The following CCDC158 variants were observed in gnomAD, a reference collection of about 807,000 sequenced individuals.
CCDC158 encodes the protein coiled-coil domain-containing protein 158.
A neutral mutation model predicts 138.6 loss-of-function variants in CCDC158; 116 were observed. The observed-to-expected ratio is 0.84, with a 90% CI of 0.72 to 0.98. CCDC158 has a LOEUF of 0.98. CCDC158 is among the 50% of genes least tolerant of loss of function. CCDC158 has a pLI of 0.00. For synonymous variants in CCDC158, 436 were observed against 442.4 expected, an observed-to-expected ratio of 0.99 and a Z score of 0.18; for missense variants, 1,265 against 1,306.1, an observed-to-expected ratio of 0.97 and a Z score of 0.48.
intron 4 of CCDC158, among the ~76,000 whole-genome samples, chr4:76,392,085 C>A (rs28877360): frequency 0.029 from 4,472 of 151,900 alleles, 216 homozygotes; most frequent in African/African-American, 0.1. Flanking sequence ...GTTCCAAAAA[C>A]ATAGAGGAAG....
chr4:76,400,595 C>T (rs994406848), intron 3 of CCDC158, among the ~76,000 whole-genome samples: 4 of 149,208 alleles, frequency 2.7e-5, no homozygotes, highest in Non-Finnish European at 4.4e-5. Flanking sequence ...GCACTACCCA[C>T]CCACCACCCC....
chr4:76,331,339 C>A lies in CCDC158; in HGVS notation c.2942+5G>T. 6.2e-7 allele frequency: 1 copy of A among 1,613,048 alleles called. No individual in the cohort carries two copies. The highest frequency in any genetic ancestry group is 8.5e-7 in the Non-Finnish European group (1 of 1,179,094). ...ATTTTGAAAATGGGGGCTGGTATTT[C>A]CTACCTACTAAGAGTTTCACTTGAT... On this transcript the variant is annotated splice_donor_5th_base_variant and intron_variant, in intron 21 of 24. Coordinates refer to ENST00000682701, the MANE Select transcript of CCDC158 (RefSeq NM_001394954.1).
At chr4:76,406,591 T>C (rs1322119239) in intron 2 of CCDC158, among the ~76,000 whole-genome samples, 1 of 152,116 alleles carries the variant, frequency 6.6e-6, no homozygotes, top group African/African-American at 2.4e-5. Flanking sequence ...GTAGGTTCCA[T>C]AAAGTAGGTT....
At chr4:76,337,730 CT>C (rs1721653292) in intron 18 of CCDC158, among the ~76,000 whole-genome samples, 1 of 150,342 alleles carries the variant, frequency 6.7e-6, no homozygotes, top group Non-Finnish European at 1.5e-5. Context: ...AAAACTCCAT[CT>C]CAAGAAAAAA....
In CCDC158 at chr4:76,357,521, ACTC is replaced by A; in HGVS notation, c.2023_2025del (p.Glu675del). On this transcript the variant is annotated inframe_deletion and splice_region_variant, in exon 14 of 25. Transcript: ENST00000682701. Reference sequence around the variant, plus strand: ...CGGAAATTCCTTTTTAAGACTTCATACTCCTCTATACAATGTGATAATCAATAA... The same window carrying A: ...CGGAAATTCCTTTTTAAGACTTCATACTCTATACAATGTGATAATCAATAA... 2 of 1,538,366 alleles carry A rather than the reference ACTC, an allele frequency of 1.3e-6. No homozygotes were observed. The highest frequency in any genetic ancestry group is 1.8e-6 in the Non-Finnish European group (2 of 1,139,410).
intron 9 of CCDC158, among the ~76,000 whole-genome samples, chr4:76,374,020 G>A (rs1725490603): frequency 6.6e-6 from 1 of 151,948 alleles, no homozygotes; most frequent in Admixed American, 6.6e-5. Context: ...GCCTGGCATG[G>A]TGGTGCATGC....
chr4:76,351,169 A>G, intron 17 of CCDC158, 48 bp from the exon 18 acceptor site: 1 of 1,530,098 alleles, frequency 6.5e-7, no homozygotes, highest in Non-Finnish European at 8.8e-7. Context: ...GCCTACAATT[A>G]TAAAGAAATG....
intron 1 of CCDC158, among the ~76,000 whole-genome samples, chr4:76,416,948 C>T (rs576248063): frequency 6.6e-6 from 1 of 152,298 alleles, no homozygotes; most frequent in South Asian, 2.1e-4. Context: ...GGGCCACCAT[C>T]CTCCAGACCC....
At chr4:76,403,937 T>A (rs2109870458) in intron 2 of CCDC158, among the ~76,000 whole-genome samples, 1 of 151,892 alleles carries the variant, frequency 6.6e-6, no homozygotes, top group Non-Finnish European at 1.5e-5. Context: ...ACAGAAAAAG[T>A]ACAGATAAAT....
chr4:76,344,327 A>G (rs1560808354), intron 18 of CCDC158, among the ~76,000 whole-genome samples: 1 of 152,238 alleles, frequency 6.6e-6, no homozygotes, highest in African/African-American at 2.4e-5. Context: ...AAGGAAAACT[A>G]CAAACCACTG....
intron 4 of CCDC158, among the ~76,000 whole-genome samples, chr4:76,391,946 A>G (rs1727352816): frequency 6.6e-6 from 1 of 152,004 alleles, no homozygotes; most frequent in Non-Finnish European, 1.5e-5. Flanking sequence ...AGACACATTC[A>G]ACTTACCAGG....
chr4:76,315,685 A>T (rs2110056414), intron 24 of CCDC158, among the ~76,000 whole-genome samples: 1 of 152,300 alleles, frequency 6.6e-6, no homozygotes, highest in Non-Finnish European at 1.5e-5. Context: ...CACTAAACAT[A>T]TCTATGACCA....
intron 1 of CCDC158, among the ~76,000 whole-genome samples, chr4:76,417,981 T>C (rs190237406): frequency 1.3e-5 from 2 of 152,324 alleles, no homozygotes; most frequent in African/African-American, 4.8e-5. Flanking sequence ...ACACTGTGCT[T>C]ATCACTTCCT....
At chr4:76,339,673 T>C (rs1721871210) in intron 18 of CCDC158, among the ~76,000 whole-genome samples, 1 of 152,238 alleles carries the variant, frequency 6.6e-6, no homozygotes, top group South Asian at 2.1e-4. Context: ...GGTATATGCA[T>C]GGACAGAGCA....
intron 3 of CCDC158, among the ~76,000 whole-genome samples, chr4:76,401,019 T>TA (rs993901335): frequency 9.2e-5 from 14 of 151,976 alleles, no homozygotes; most frequent in African/African-American, 2.4e-4. Context: ...TGGGGAGCTT[T>TA]AAAAAAAACC....
chr4:76,323,670 T>C (rs1246487540), intron 23 of CCDC158, among the ~76,000 whole-genome samples: 1 of 152,198 alleles, frequency 6.6e-6, no homozygotes, highest in Admixed American at 6.5e-5. Flanking sequence ...TTTAACTACA[T>C]AATATTAAAT....
intron 3 of CCDC158, among the ~76,000 whole-genome samples, chr4:76,397,251 T>C (rs1727905191): frequency 6.6e-6 from 1 of 151,854 alleles, no homozygotes; most frequent in African/African-American, 2.4e-5. Context: ...CAGAAACTCA[T>C]AAATGCAGTT....
At chr4:76,390,947 C>A (rs28800860) in intron 4 of CCDC158, among the ~76,000 whole-genome samples, 4,484 of 151,696 alleles carry the variant, frequency 0.03, 219 homozygotes, top group African/African-American at 0.1. Flanking sequence ...TTTAAAATAC[C>A]TATGGAGCCA....
chr4:76,316,018 T>A (rs1042961060), intron 24 of CCDC158, among the ~76,000 whole-genome samples: 8 of 152,090 alleles, frequency 5.3e-5, no homozygotes, highest in African/African-American at 1.9e-4. Context: ...TCAGAAGGAA[T>A]CAGAAAAGCG....
Sources: allele counts gnomAD v4.1 joint callset (sites outside exome capture counted in the v4.1 genomes callset), GRCh38; gene constraint gnomAD v4.1.1; transcripts MANE v1.5; gene names NCBI Gene and HGNC (gene_info 2026-07-23, HGNC 2026-07-21).